STON1: variants seen among roughly 807,000 people sequenced by gnomAD.
The protein encoded by STON1 is stonin 1, also known as stonin-1.
Under a neutral mutation model 60.9 loss-of-function variants are expected in STON1, and 79 were observed. That is an observed-to-expected ratio of 1.30 (90% CI 1.08 to 1.56). The LOEUF (loss-of-function observed/expected upper bound fraction) is 1.56. Among genes scored for constraint, STON1 ranks in the 40% most tolerant of loss-of-function variants. The pLI is 0.00. For missense variants in STON1, 1,166 were observed against 858.9 expected (o/e 1.36, Z -4.47); for synonymous variants, 363 against 306.9 (o/e 1.18, Z -1.91).
chr2:48,556,992 C>T (rs1672392084), intron 1 of STON1, among the ~76,000 whole-genome samples: 1 of 74,704 alleles, frequency 1.3e-5, no homozygotes, highest in South Asian at 6.6e-4. Flanking sequence ...CCACCTCCCT[C>T]CTGGACGGCA....
At chr2:48,588,852 G>T (rs1484845102) in intron 2 of STON1, among the ~76,000 whole-genome samples, 1 of 152,130 alleles carries the variant, frequency 6.6e-6, no homozygotes, top group Admixed American at 6.5e-5. Context: ...TCCTTTGACA[G>T]TGGGCAGGTC....
intron 1 of STON1, among the ~76,000 whole-genome samples, chr2:48,549,550 G>T (rs551485801): frequency 6.6e-6 from 1 of 152,108 alleles, no homozygotes; most frequent in South Asian, 2.1e-4. Context: ...GGTGGCTCAC[G>T]CCTGTAATCC....
chr2:48,592,866 C>T (rs1479081955), intron 3 of STON1, among the ~76,000 whole-genome samples: 4 of 151,942 alleles, frequency 2.6e-5, no homozygotes, highest in Admixed American at 2.0e-4. Context: ...CCTCCTGCCT[C>T]GGCCTCCCAA....
chr2:48,538,445 A>G (rs1216320042), intron 1 of STON1, among the ~76,000 whole-genome samples: 1 of 152,070 alleles, frequency 6.6e-6, no homozygotes, highest in African/African-American at 2.4e-5. Context: ...TTCAGTTTTG[A>G]TAATTTAGTT....
intron 1 of STON1, among the ~76,000 whole-genome samples, chr2:48,564,410 CT>C (rs1558603858): frequency 3.8e-4 from 10 of 26,104 alleles, no homozygotes; most frequent in African/African-American, 1.3e-3. Context: ...GCGGTGTCTT[CT>C]TCTTCTTCTT....
chr2:48,581,023 T>G lies in STON1; in HGVS notation c.390T>G (p.Cys130Trp). Residue 130 changes from cysteine (C) to tryptophan (W), a missense_variant, in exon 2 of 4, where the codon TGT becomes TGG. By Grantham distance (215) the Cys-to-Trp change is radical. Transcript: ENST00000404752. ...ESSLLPTRPT[C>W]LSHALLPSDH... ...CCTTACTGCCTACCAGACCAACATG[T>G]TTATCCCATGCCTTGTTACCCAGTG... The G allele has an allele frequency of 6.4e-7, 1 of 1,572,448 alleles. No individual in the cohort carries two copies. The highest frequency in any genetic ancestry group is 8.6e-7 in the Non-Finnish European group (1 of 1,163,350).
At chr2:48,530,441 T>C in intron 1 of STON1, 1 of 204,500 alleles carries the variant, frequency 4.9e-6, no homozygotes, top group Non-Finnish European at 9.8e-6. Flanking sequence ...TCGGCTCCCC[T>C]CTGTTCTGAG....
intron 2 of STON1, among the ~76,000 whole-genome samples, chr2:48,585,369 TCCCAAGTAG>T: frequency 6.6e-6 from 1 of 152,034 alleles, no homozygotes; most frequent in Non-Finnish European, 1.5e-5. Flanking sequence ...TGGCTCAACC[TCCCAAGTAG>T]CTAGGATTAC....
chr2:48,573,528 T>A (rs13010692), intron 1 of STON1, among the ~76,000 whole-genome samples: 1 of 151,876 alleles, frequency 6.6e-6, no homozygotes, highest in Non-Finnish European at 1.5e-5. Context: ...AGTGACAGAG[T>A]GGTGCCCAGA....
chr2:48,562,686 T>A (rs113424902), intron 1 of STON1, among the ~76,000 whole-genome samples: 2 of 152,202 alleles, frequency 1.3e-5, no homozygotes, highest in African/African-American at 4.8e-5. Context: ...CCTTTTTGGG[T>A]TGAGCCTTTG....
At position 48,580,902 on chromosome 2, in the gene STON1, G is replaced by A. The variant is rs1353086114; in HGVS notation, c.269G>A (p.Gly90Asp). 1.3e-6 allele frequency: 2 copies of A among 1,594,556 alleles called. No individual in the cohort carries two copies. The highest frequency in any genetic ancestry group is 1.4e-5 in the African/African-American group (1 of 74,040). ...PLSTPTKDFP[G>D]FPGIPKAGTH... Reference sequence around the variant, plus strand: ...TCTACACCTACCAAAGACTTCCCAGGTTTTCCTGGCATCCCCAAAGCAGGG... The same window carrying A: ...TCTACACCTACCAAAGACTTCCCAGATTTTCCTGGCATCCCCAAAGCAGGG... Residue 90 changes from glycine to aspartate, a missense_variant, in exon 2 of 4, where the codon GGT becomes GAT. Coordinates refer to ENST00000404752, the MANE Select transcript of STON1 (RefSeq NM_006873.4).
chr2:48,544,198 G>GTGTGTGTC (rs147383869), intron 1 of STON1, among the ~76,000 whole-genome samples: 1 of 151,844 alleles, frequency 6.6e-6, no homozygotes, highest in Non-Finnish European at 1.5e-5. Context: ...GTGTGTGTGT[G>GTGTGTGTC]TGTCTGTCTG....
At chr2:48,565,937 A>G (rs1279474492) in intron 1 of STON1, among the ~76,000 whole-genome samples, 4 of 152,206 alleles carry the variant, frequency 2.6e-5, no homozygotes, top group Non-Finnish European at 5.9e-5. Context: ...TAAGGATAAA[A>G]TTCTAAAATC....
At chr2:48,540,971 A>G (rs1488663671) in intron 1 of STON1, among the ~76,000 whole-genome samples, 1 of 152,212 alleles carries the variant, frequency 6.6e-6, no homozygotes, top group Non-Finnish European at 1.5e-5. Context: ...TTTTTCCTAT[A>G]CAGAGGGATA....
Position 48,591,644 on chromosome 2 carries a change from T to TC in STON1, c.1931-6dup. 1 of 1,611,400 alleles carries TC rather than the reference T, an allele frequency of 6.2e-7. No individual in the cohort carries two copies. The highest frequency in any genetic ancestry group is 8.5e-7 in the Non-Finnish European group (1 of 1,178,846). ...AATACTTTGACTATTTGATTTTTTT[T>TC]CCCTCGAGGTCTAGATCATCCCCAT... On this transcript the variant is annotated splice_polypyrimidine_tract_variant and intron_variant, in intron 2 of 3. Transcript: ENST00000404752.
intron 2 of STON1, among the ~76,000 whole-genome samples, chr2:48,586,507 A>G (rs1016344041): frequency 1.3e-5 from 2 of 152,184 alleles, no homozygotes; most frequent in Admixed American, 6.5e-5. Flanking sequence ...CTGCCTGGGG[A>G]CTAGGGAGGG....
chr2:48,537,615 G>A (rs769634957), intron 1 of STON1, among the ~76,000 whole-genome samples: 13 of 152,020 alleles, frequency 8.6e-5, no homozygotes, highest in Non-Finnish European at 1.5e-4. Flanking sequence ...TTGGGAGGCC[G>A]AGGCGAGCTG....
intron 2 of STON1, among the ~76,000 whole-genome samples, chr2:48,587,619 T>G (rs1476121889): frequency 1.3e-5 from 2 of 152,144 alleles, no homozygotes; most frequent in Non-Finnish European, 2.9e-5. Flanking sequence ...GCAGTGGAGC[T>G]CACCAAGAAC....
intron 1 of STON1, among the ~76,000 whole-genome samples, chr2:48,556,912 A>T (rs1278418766): frequency 1.7e-4 from 1 of 5,834 alleles, no homozygotes; most frequent in South Asian, 0.036. Flanking sequence ...ACTTCCCAGT[A>T]GGGGCGGCCG....
Sources: allele counts gnomAD v4.1 joint callset (sites outside exome capture counted in the v4.1 genomes callset), GRCh38; gene constraint gnomAD v4.1.1; transcripts MANE v1.5; gene names NCBI Gene and HGNC (gene_info 2026-07-23, HGNC 2026-07-21).